The following RBPMS variants were observed in gnomAD, a reference collection of about 807,000 sequenced individuals.
The protein encoded by RBPMS is RNA-binding protein with multiple splicing.
RBPMS carries 7 observed loss-of-function variants against 26.8 expected under a neutral mutation model. That is an observed-to-expected ratio of 0.26 (90% confidence interval 0.15 to 0.49). RBPMS has a LOEUF of 0.49. Among genes scored for constraint, RBPMS ranks in the 20% least tolerant of loss-of-function variants. RBPMS has a pLI of 0.98. For missense variants in RBPMS, 186 were observed against 250.0 expected (o/e 0.74, Z 1.73); for synonymous variants, 96 against 93.3 (o/e 1.03, Z -0.17).
intron 1 of RBPMS, among the ~76,000 whole-genome samples, chr8:30,435,149 A>G (rs1411397378): frequency 6.6e-6 from 1 of 152,214 alleles, no homozygotes; most frequent in African/African-American, 2.4e-5. Context: ...CCTATGTGTC[A>G]GTCAAACACA....
chr8:30,495,412 A>AG (rs1819840931), intron 4 of RBPMS, among the ~76,000 whole-genome samples: 1 of 152,130 alleles, frequency 6.6e-6, no homozygotes, highest in Non-Finnish European at 1.5e-5. Context: ...CTCATGGCCC[A>AG]GCATCACCTC....
At chr8:30,482,407 C>G (rs1263746973) in intron 4 of RBPMS, among the ~76,000 whole-genome samples, 1 of 152,186 alleles carries the variant, frequency 6.6e-6, no homozygotes, top group Admixed American at 6.5e-5. Context: ...TGAACGACTT[C>G]TCCATGTTTA....
intron 4 of RBPMS, among the ~76,000 whole-genome samples, chr8:30,483,816 G>T (rs1378398647): frequency 6.6e-6 from 1 of 151,620 alleles, no homozygotes; most frequent in Non-Finnish European, 1.5e-5. Context: ...TGCTTTCTCC[G>T]TGAATTTGCC....
At chr8:30,416,279 C>T (rs1369814506) in intron 1 of RBPMS, among the ~76,000 whole-genome samples, 3 of 152,042 alleles carry the variant, frequency 2.0e-5, no homozygotes, top group Non-Finnish European at 4.4e-5. Flanking sequence ...ACTCTTTGGC[C>T]CCTTATCCTA....
At chr8:30,410,872 A>C (rs1809306618) in intron 1 of RBPMS, among the ~76,000 whole-genome samples, 1 of 152,030 alleles carries the variant, frequency 6.6e-6, no homozygotes, top group African/African-American at 2.4e-5. Flanking sequence ...GAAAGCCAGG[A>C]CTGCACGTGC....
At chr8:30,492,010 G>T (rs1441214021) in intron 4 of RBPMS, among the ~76,000 whole-genome samples, 1 of 152,044 alleles carries the variant, frequency 6.6e-6, no homozygotes, top group Non-Finnish European at 1.5e-5. Context: ...TTCTGCCTCA[G>T]CCTCCTGAGT....
chr8:30,487,894 C>T (rs1233235987), intron 4 of RBPMS, among the ~76,000 whole-genome samples: 1 of 151,862 alleles, frequency 6.6e-6, no homozygotes, highest in East Asian at 1.9e-4. Context: ...TTTTGAAAAA[C>T]CAAGTGATGC....
rs551067740 is a variant in RBPMS at position 30,477,227 on chromosome 8, G to T, written c.145-572G>T. On this transcript the variant is annotated intron_variant, in intron 2 of 8. Transcript: ENST00000397323. ...ACCACCATGCTCGGCTAATTTTTTT[G>T]TATTTTTAGTAGAGATGGGGTTTCA... Among the ~76,000 whole-genome samples, 102 of 152,162 alleles carry T rather than the reference G, an allele frequency of 6.7e-4. 1 individual carries two copies. Among genetic ancestry groups the T allele is most frequent in the African/African-American group, 2.3e-3 (97 of 41,526 alleles).
chr8:30,447,656 A>T (rs1218769206), intron 1 of RBPMS, among the ~76,000 whole-genome samples: 2 of 152,250 alleles, frequency 1.3e-5, no homozygotes, highest in East Asian at 3.8e-4. Context: ...TACGATAAAA[A>T]GAAAAATGAA....
intron 5 of RBPMS, among the ~76,000 whole-genome samples, chr8:30,523,160 T>G (rs1042389182): frequency 6.6e-6 from 1 of 152,118 alleles, no homozygotes; most frequent in African/African-American, 2.4e-5. Flanking sequence ...GCAGATCACT[T>G]GAGGTCAGGA....
chr8:30,488,118 T>C (rs1439859382), intron 4 of RBPMS, among the ~76,000 whole-genome samples: 1 of 152,210 alleles, frequency 6.6e-6, no homozygotes, highest in Non-Finnish European at 1.5e-5. Flanking sequence ...GTTTCTCCTT[T>C]ATTTGCCTTA....
intron 5 of RBPMS, among the ~76,000 whole-genome samples, chr8:30,505,877 A>T (rs1821023957): frequency 6.6e-6 from 1 of 152,194 alleles, no homozygotes. Context: ...GAGTATTTTT[A>T]GGATGCCTGA....
At chr8:30,436,335 G>C (rs1209608822) in intron 1 of RBPMS, among the ~76,000 whole-genome samples, 1 of 152,076 alleles carries the variant, frequency 6.6e-6, no homozygotes, top group Admixed American at 6.6e-5. Context: ...TTCATGCTTG[G>C]TATGATTTCT....
chr8:30,477,325 A>G (rs1315451946), intron 2 of RBPMS, among the ~76,000 whole-genome samples: 1 of 152,082 alleles, frequency 6.6e-6, no homozygotes, highest in African/African-American at 2.4e-5. Flanking sequence ...CTGGGATTAC[A>G]GGCGTGAGTC....
intron 1 of RBPMS, among the ~76,000 whole-genome samples, chr8:30,438,949 T>C (rs532466781): frequency 3.3e-5 from 5 of 152,280 alleles, no homozygotes; most frequent in Admixed American, 1.3e-4. Context: ...AATTTTTGTA[T>C]TTTTAGAAAT....
chr8:30,530,839 C>T (rs1288965260), intron 5 of RBPMS, among the ~76,000 whole-genome samples: 1 of 151,950 alleles, frequency 6.6e-6, no homozygotes, highest in Non-Finnish European at 1.5e-5. Context: ...TACTACTATT[C>T]CTCCTCCTCC....
intron 6 of RBPMS, chr8:30,555,734 G>T (rs1396555557): frequency 3.6e-6 from 1 of 280,660 alleles, no homozygotes; most frequent in African/African-American, 2.3e-5. Flanking sequence ...GACGCAGGCA[G>T]TCTGGAGGGA....
intron 4 of RBPMS, among the ~76,000 whole-genome samples, chr8:30,491,735 T>A (rs1458626944): frequency 6.6e-6 from 1 of 152,126 alleles, no homozygotes; most frequent in Non-Finnish European, 1.5e-5. Flanking sequence ...TGCAGAACGA[T>A]CCTTAAAACA....
At chr8:30,430,897 A>G (rs1006244068) in intron 1 of RBPMS, among the ~76,000 whole-genome samples, 3 of 152,240 alleles carry the variant, frequency 2.0e-5, no homozygotes, top group African/African-American at 7.2e-5. Context: ...CAAGTTGCTA[A>G]AATTTAAAGA....
Sources: allele counts gnomAD v4.1 joint callset (sites outside exome capture counted in the v4.1 genomes callset), GRCh38; gene constraint gnomAD v4.1.1; transcripts MANE v1.5; gene names NCBI Gene and HGNC (gene_info 2026-07-23, HGNC 2026-07-21).